Variants in CIT observed in about 807,000 individuals in gnomAD.
CIT encodes the protein citron rho-interacting serine/threonine kinase.
A neutral mutation model predicts 272.7 loss-of-function variants in CIT; 79 were observed. The ratio of observed to expected loss-of-function variants is 0.29; its 90% CI spans 0.24 to 0.35. CIT has a LOEUF of 0.35. Ranked by LOEUF, CIT falls within the 10% of genes least tolerant of loss-of-function variation. CIT has a pLI of 1.00. For missense variants in CIT, 1,909 were observed against 2,618.3 expected, an observed-to-expected ratio of 0.73 and a Z score of 5.91; for synonymous variants, 948 against 995.6, an observed-to-expected ratio of 0.95 and a Z score of 0.90.
intron 8 of CIT, among the ~76,000 whole-genome samples, chr12:119,824,120 A>G (rs1173114680): frequency 6.4e-5 from 4 of 62,016 alleles, no homozygotes; most frequent in Admixed American, 1.7e-4. Flanking sequence ...ATATATATAT[A>G]TATATATATA....
At chr12:119,762,577 G>A (rs1306815371) in intron 19 of CIT, among the ~76,000 whole-genome samples, 1 of 152,144 alleles carries the variant, frequency 6.6e-6, no homozygotes, top group East Asian at 1.9e-4. Context: ...AGTTAGCAGA[G>A]ACCACATAAT....
intron 20 of CIT, 49 bp from the exon 21 acceptor site, chr12:119,758,749 CA>C: frequency 2.4e-6 from 3 of 1,246,022 alleles, no homozygotes; most frequent in South Asian, 1.2e-5. Context: ...ACAGGAGTAA[CA>C]GGGGCAGTGC....
At position 119,770,641 on chromosome 12, in the gene CIT, TG is replaced by T; in HGVS notation, c.2208+143del. ...TGGTTATTCATACTACTCTACGATG[TG>T]GCATATGCTGAAACCACCTCACTCA... On this transcript the variant is annotated intron_variant, in intron 18 of 47. Transcript: ENST00000392521. The surrounding 1 kb of genome is among the most constrained non-coding windows in gnomAD (Gnocchi z 4.4). The T allele has an allele frequency of 1.2e-6, 1 of 824,874 alleles. No individual in the cohort carries two copies. The highest frequency in any genetic ancestry group is 1.9e-6 in the Non-Finnish European group (1 of 514,096). 51.1% of individuals were successfully genotyped at this position (824,874 alleles called of 1,614,324 possible).
chr12:119,855,017 A>G (rs1159602515), intron 4 of CIT, among the ~76,000 whole-genome samples: 2 of 152,184 alleles, frequency 1.3e-5, no homozygotes, highest in African/African-American at 4.8e-5. Flanking sequence ...CCAGCTACTT[A>G]AGAGGCTGAG....
In CIT at chr12:119,770,133, C is replaced by G. The variant is rs147742820; in HGVS notation, c.2208+652G>C. On this transcript the variant is annotated intron_variant, in intron 18 of 47. Transcript: ENST00000392521. The surrounding 1 kb of genome is among the most constrained non-coding windows in gnomAD (Gnocchi z 4.4). ...GTCTTCCACCCTGGCAGGGGCAAAA[C>G]GTCAACACATCTGCAAATACCACCC... Among the ~76,000 whole-genome samples, 1 of 152,132 alleles carries G rather than the reference C, an allele frequency of 6.6e-6. No individual in the cohort carries two copies. Among genetic ancestry groups the G allele is most frequent in the East Asian group, 1.9e-4 (1 of 5,186 alleles).
At chr12:119,847,531 T>C (rs1333227413) in intron 5 of CIT, among the ~76,000 whole-genome samples, 7 of 151,884 alleles carry the variant, frequency 4.6e-5, no homozygotes, top group African/African-American at 1.2e-4. Context: ...GAGGTGGAAG[T>C]TGCAGTGAGC....
intron 20 of CIT, among the ~76,000 whole-genome samples, chr12:119,759,377 C>T (rs898894609): frequency 1.3e-5 from 2 of 152,168 alleles, no homozygotes; most frequent in African/African-American, 2.4e-5. Context: ...CCGGGCGCGG[C>T]GGCTTAGCCT....
At chr12:119,875,607 G>A (rs1157064841) in intron 2 of CIT, among the ~76,000 whole-genome samples, 1 of 152,140 alleles carries the variant, frequency 6.6e-6, no homozygotes, top group African/African-American at 2.4e-5. Flanking sequence ...AGCCAGGCAT[G>A]GTGGCACAGG....
At chr12:119,732,945 G>A (rs185253245) in intron 26 of CIT, among the ~76,000 whole-genome samples, 9 of 152,302 alleles carry the variant, frequency 5.9e-5, no homozygotes, top group East Asian at 1.9e-4. Context: ...AGCGGCACCC[G>A]TCCTTCTAGA....
intron 5 of CIT, among the ~76,000 whole-genome samples, chr12:119,843,634 AC>A (rs1316580908): frequency 1.3e-5 from 2 of 151,904 alleles, no homozygotes; most frequent in African/African-American, 4.8e-5. Context: ...ACATAGTGAA[AC>A]CCCGTCTCTA....
intron 2 of CIT, among the ~76,000 whole-genome samples, chr12:119,872,402 G>C (rs1437249099): frequency 6.6e-6 from 1 of 152,148 alleles, no homozygotes; most frequent in Non-Finnish European, 1.5e-5. Flanking sequence ...GTACTCACCT[G>C]AATGGAAAAC....
intron 9 of CIT, among the ~76,000 whole-genome samples, chr12:119,816,456 G>A (rs897762147): frequency 1.3e-5 from 2 of 152,096 alleles, no homozygotes; most frequent in African/African-American, 4.8e-5. Flanking sequence ...AAGACAAAAC[G>A]AGGAAGACCC....
intron 22 of CIT, among the ~76,000 whole-genome samples, chr12:119,754,591 C>T (rs563318403): frequency 1.3e-5 from 2 of 152,214 alleles, no homozygotes; most frequent in Non-Finnish European, 2.9e-5. Context: ...GAAGAGCTAA[C>T]GCTGCACACA....
rs550383685 is a variant in CIT, at chr12:119,720,623, C to T, written c.3733-38G>A. The T allele has an allele frequency of 2.8e-6, 4 of 1,419,772 alleles. No individual in the cohort carries two copies. The African/African-American group carries it at 5.8e-5, about 20-fold the overall frequency. The allele number at this position is 1,419,772 out of a possible 1,614,324, so 87.9% of individuals were successfully genotyped here. A position where few individuals can be genotyped will look rare whatever the true frequency, so the allele number is the denominator to read the frequency against. On this transcript the variant is annotated intron_variant, in intron 29 of 47. Transcript: ENST00000392521. ...AAAACAAACTAACCTCAAATCCAGACAGAAGTATACTTTTAAAGTTGGTAC... is the reference window on the plus strand; with the variant it reads ...AAAACAAACTAACCTCAAATCCAGATAGAAGTATACTTTTAAAGTTGGTAC...
intron 32 of CIT, among the ~76,000 whole-genome samples, chr12:119,715,095 A>G (rs964649725): frequency 6.6e-6 from 1 of 152,088 alleles, no homozygotes; most frequent in Non-Finnish European, 1.5e-5. Context: ...AAGATCTGAT[A>G]GTTTTATAAG....
intron 3 of CIT, among the ~76,000 whole-genome samples, chr12:119,867,624 G>A (rs1950551940): frequency 6.6e-6 from 1 of 152,164 alleles, no homozygotes; most frequent in Non-Finnish European, 1.5e-5. Flanking sequence ...GCTGCTTTGT[G>A]CACTGTAAGG....
chr12:119,800,904 A>G (rs559823335), intron 10 of CIT, among the ~76,000 whole-genome samples: 1 of 152,322 alleles, frequency 6.6e-6, no homozygotes, highest in East Asian at 1.9e-4. Flanking sequence ...CAACAGGTGG[A>G]TGAATTTCTA....
Position 119,701,760 on chromosome 12 carries a change from G to A in CIT, c.5414-8C>T. 1 of 1,614,256 alleles carries A rather than the reference G, an allele frequency of 6.2e-7. No homozygotes were observed. The highest frequency in any genetic ancestry group is 2.2e-5 in the East Asian group (1 of 44,888). ...CATTCTTATCCAGGAATTCTGTAAA[G>A]GCAGGCGAGAAGCGGGGCTTCAGGA... On this transcript the variant is annotated splice_region_variant and splice_polypyrimidine_tract_variant and intron_variant, in intron 42 of 47. Coordinates refer to ENST00000392521, the MANE Select transcript of CIT (RefSeq NM_001206999.2).
intron 16 of CIT, among the ~76,000 whole-genome samples, chr12:119,774,066 T>C (rs950415905): frequency 2.1e-4 from 32 of 152,182 alleles, no homozygotes; most frequent in African/African-American, 7.2e-4. Flanking sequence ...GGACAAACAC[T>C]GTATGATTCC....
Sources: allele counts gnomAD v4.1 joint callset (sites outside exome capture counted in the v4.1 genomes callset), GRCh38; gene constraint gnomAD v4.1.1; non-coding constraint Gnocchi (gnomAD v3.1); transcripts MANE v1.5; gene names NCBI Gene and HGNC (gene_info 2026-07-23, HGNC 2026-07-21).